SBK2: variants seen among roughly 807,000 people sequenced by gnomAD.
SBK2 encodes the protein SH3 domain binding kinase family member 2.
SBK2 carries 18 observed loss-of-function variants against 15.9 expected under a neutral mutation model. The observed-to-expected ratio is 1.13, with a 90% CI of 0.78 to 1.68. The LOEUF (loss-of-function observed/expected upper bound fraction) is 1.68, where lower values mean the gene tolerates loss of function less well. SBK2 is among the 40% of genes most tolerant of loss of function. The probability of loss-of-function intolerance (pLI) is 0.00; values close to 1 mark genes in which losing one functional copy is unlikely to be tolerated. For synonymous variants in SBK2, 284 were observed against 246.8 expected, an observed-to-expected ratio of 1.15 and a Z score of -1.41; for missense variants, 581 against 510.9, an observed-to-expected ratio of 1.14 and a Z score of -1.32.
chr19:55,533,743 C>T (rs1030017165), intron 2 of SBK2, among the ~76,000 whole-genome samples: 1 of 151,584 alleles, frequency 6.6e-6, no homozygotes, highest in Non-Finnish European at 1.5e-5. Context: ...TCCCCGCCCA[C>T]TCTGCAGCCA....
intron 2 of SBK2, among the ~76,000 whole-genome samples, chr19:55,532,295 CTTTTTTTTTT>C (rs540857379): frequency 1.3e-5 from 1 of 77,088 alleles, no homozygotes; most frequent in African/African-American, 5.4e-5. Flanking sequence ...TGATGTCTTC[CTTTTTTTTTT>C]TTTTTTTTTT....
At chr19:55,536,617 T>C (rs1246225236) in intron 1 of SBK2, among the ~76,000 whole-genome samples, 1 of 150,094 alleles carries the variant, frequency 6.7e-6, no homozygotes, top group South Asian at 2.2e-4. Flanking sequence ...GAGTAGACTC[T>C]GTCTCCTGAG....
In SBK2 at chr19:55,529,718, T is replaced by TC. The variant is rs763284310; in HGVS notation, c.*14dup. 7 of 1,594,700 alleles carry TC rather than the reference T, an allele frequency of 4.4e-6. No individual in the cohort carries two copies. The highest frequency in any genetic ancestry group is 1.7e-5 in the Admixed American group (1 of 59,066). ...GGGTGGGGCGGCTTCCCTTTCTGCA[T>TC]CCCCCGGGGCCTCCTCACTGCCCAG... On this transcript the variant is annotated 3_prime_UTR_variant, in exon 4 of 4. Transcript: ENST00000413299.
At chr19:55,530,999 G>A (rs995225967) in intron 3 of SBK2, 144 bp downstream of exon 3, 5 of 693,546 alleles carry the variant, frequency 7.2e-6, no homozygotes, top group African/African-American at 1.8e-5. Flanking sequence ...CGAGTCCTGT[G>A]GGCCCCACGA....
intron 1 of SBK2, among the ~76,000 whole-genome samples, chr19:55,536,515 C>G (rs1988410714): frequency 6.6e-6 from 1 of 151,998 alleles, no homozygotes; most frequent in African/African-American, 2.4e-5. Flanking sequence ...GCCGCCGCCA[C>G]CCGCCCACCC....
Position 55,529,940 on chromosome 19 carries a change from C to A in SBK2, c.840G>T (p.Trp280Cys). ...GGTCCCGGGGCTGGCCCGACGCCTGCCAGATGAGGAAGTCCTCGTAGAAGG... is the reference window on the plus strand; with the variant it reads ...GGTCCCGGGGCTGGCCCGACGCCTGACAGATGAGGAAGTCCTCGTAGAAGG... ...ADPFYEDFLI[W>C]QASGQPRDRP... is the part of the protein sequence containing the mutation. The change falls in exon 4 of 4, where the codon TGG becomes TGT. Residue 280 changes from tryptophan (W) to cysteine (C), a missense_variant. Coordinates refer to ENST00000413299, the MANE Select transcript of SBK2 (RefSeq NM_001370096.2). The A allele has an allele frequency of 1.3e-6, 2 of 1,528,206 alleles. No homozygotes were observed. The highest frequency in any genetic ancestry group is 1.8e-6 in the Non-Finnish European group (2 of 1,140,460). 94.7% of individuals were successfully genotyped at this position (1,528,206 alleles called of 1,614,324 possible).
Position 55,529,768 on chromosome 19 carries a change from C to A in SBK2, c.1012G>T (p.Ala338Ser). ...GCCTCCTCTTCCACCGCTCCCACTG[C>A]CTCCGCCTCGCCCTCCCGCTGCCTC... is the stretch of plus-strand genomic sequence containing the variant. ...PWRQREGEAE[A>S]VGAVEEEAGQ The change falls in exon 4 of 4, where the codon GCA becomes TCA. Residue 338 changes from alanine to serine, a missense_variant. Physicochemically the swap from Ala to Ser is moderately conservative, Grantham distance 99. Transcript: ENST00000413299. 9 of 1,603,046 alleles carry A rather than the reference C, an allele frequency of 5.6e-6. No homozygotes were observed. Among genetic ancestry groups the A allele is most frequent in the Non-Finnish European group, 7.6e-6 (9 of 1,179,716 alleles).
chr19:55,534,382 G>A (rs987286452), intron 2 of SBK2, among the ~76,000 whole-genome samples: 2 of 151,992 alleles, frequency 1.3e-5, no homozygotes, highest in Non-Finnish European at 2.9e-5. Context: ...TCTTGATCTC[G>A]GGCTTCCAGC....
chr19:55,531,037 A>G (rs886959283), intron 3 of SBK2, 106 bp downstream of exon 3: 8 of 1,038,144 alleles, frequency 7.7e-6, no homozygotes, highest in Admixed American at 2.0e-5. Context: ...GGGGAGGCCC[A>G]GGGAGGCCCA....
intron 2 of SBK2, among the ~76,000 whole-genome samples, chr19:55,534,309 A>G (rs993671566): frequency 1.3e-5 from 2 of 152,208 alleles, no homozygotes; most frequent in African/African-American, 4.8e-5. Flanking sequence ...GTGAGGACAC[A>G]GGGAGAAGAC....
intron 2 of SBK2, 129 bp from the exon 3 acceptor site, chr19:55,531,474 T>C: frequency 1.4e-6 from 1 of 693,600 alleles, no homozygotes. Context: ...CATCTCCACC[T>C]CCTCCAACTC....
rs934436328 is a variant in SBK2 at position 55,529,446 on chromosome 19, G to C, written c.*287C>G. 6.6e-6 allele frequency among the ~76,000 whole-genome samples: 1 copy of C among 152,076 alleles called. No individual in the cohort carries two copies. The highest frequency in any genetic ancestry group is 1.5e-5 in the Non-Finnish European group (1 of 68,012). ...AGGGGATGAGCCTAAAGTGCCCTGAGCAAACAGCAAGTGCAGAGGCCCTGG... is the reference window on the plus strand; with the variant it reads ...AGGGGATGAGCCTAAAGTGCCCTGACCAAACAGCAAGTGCAGAGGCCCTGG... On this transcript the variant is annotated 3_prime_UTR_variant, in exon 4 of 4. Coordinates refer to ENST00000413299, the MANE Select transcript of SBK2 (RefSeq NM_001370096.2).
intron 2 of SBK2, 76 bp from the exon 3 acceptor site, chr19:55,531,421 G>T: frequency 1.7e-6 from 2 of 1,186,608 alleles, no homozygotes; most frequent in Admixed American, 2.0e-5. Flanking sequence ...GTTCCCCTGT[G>T]GTCCCCTCAA....
In SBK2 at chr19:55,529,718, T is replaced by A. The variant is rs1555769816; in HGVS notation, c.*15A>T. ...GGGTGGGGCGGCTTCCCTTTCTGCA[T>A]CCCCCGGGGCCTCCTCACTGCCCAG... On this transcript the variant is annotated 3_prime_UTR_variant, in exon 4 of 4. Transcript: ENST00000413299. 1 of 1,594,568 alleles carries A rather than the reference T, an allele frequency of 6.3e-7. No homozygotes were observed. The highest frequency in any genetic ancestry group is 8.5e-7 in the Non-Finnish European group (1 of 1,177,574).
chr19:55,535,585 T>C (rs1223055037), intron 2 of SBK2, among the ~76,000 whole-genome samples: 1 of 152,158 alleles, frequency 6.6e-6, no homozygotes, highest in East Asian at 1.9e-4. Flanking sequence ...AACACAGTTT[T>C]TGGCAGGGCA....
In SBK2 at chr19:55,529,347, G is replaced by C. The variant is rs1442434771; in HGVS notation, c.*386C>G. ...GGATTTTGAGACTGCAGTGAGCAGAGATAGCACCACTGCACTCCAGCCTGG... is the reference window on the plus strand; with the variant it reads ...GGATTTTGAGACTGCAGTGAGCAGACATAGCACCACTGCACTCCAGCCTGG... On this transcript the variant is annotated 3_prime_UTR_variant, in exon 4 of 4. Transcript: ENST00000413299. 6.6e-6 allele frequency among the ~76,000 whole-genome samples: 1 copy of C among 152,230 alleles called. No individual in the cohort carries two copies. Among genetic ancestry groups the C allele is most frequent in the East Asian group, 1.9e-4 (1 of 5,190 alleles).
intron 2 of SBK2, among the ~76,000 whole-genome samples, chr19:55,533,841 A>G (rs1320316473): frequency 6.6e-6 from 1 of 151,954 alleles, no homozygotes; most frequent in Middle Eastern, 3.4e-3. Context: ...ATCCCTGCCC[A>G]TCTATGCTCC....
Position 55,529,799 on chromosome 19 carries a change from G to A in SBK2, c.981C>T (p.Arg327=). 3 of 1,604,318 alleles carry A rather than the reference G, an allele frequency of 1.9e-6. No individual in the cohort carries two copies. The highest frequency in any genetic ancestry group is 2.5e-6 in the Non-Finnish European group (3 of 1,179,654). The change falls in exon 4 of 4, where the codon CGC becomes CGT. Residue 327 remains arginine, a synonymous_variant. Transcript: ENST00000413299. ...AVIAIREHLG[R]PWRQREGEAE... ...CCTCGCCCTCCCGCTGCCTCCAGGG[G>A]CGCCCCAGGTGCTCCCTGATGGCGA...
intron 2 of SBK2, among the ~76,000 whole-genome samples, chr19:55,534,299 G>A (rs1988342373): frequency 6.6e-6 from 1 of 152,188 alleles, no homozygotes; most frequent in South Asian, 2.1e-4. Flanking sequence ...GGACGACCAT[G>A]TGAGGACACA....
Sources: allele counts gnomAD v4.1 joint callset (sites outside exome capture counted in the v4.1 genomes callset), GRCh38; gene constraint gnomAD v4.1.1; transcripts MANE v1.5; gene names NCBI Gene and HGNC (gene_info 2026-07-23, HGNC 2026-07-21).